Variants in RRM2B observed in about 807,000 individuals in gnomAD.
RRM2B encodes ribonucleoside-diphosphate reductase subunit M2 B.
RRM2B carries 20 observed loss-of-function variants against 45.9 expected under a neutral mutation model. The observed-to-expected ratio is 0.44, with a 90% confidence interval of 0.31 to 0.63. RRM2B has a LOEUF of 0.63. Among genes scored for constraint, RRM2B ranks in the 30% least tolerant of loss-of-function variants. The pLI, the probability that RRM2B is intolerant of heterozygous loss-of-function variation, is 0.09. For missense variants in RRM2B, 320 were observed against 414.7 expected (o/e 0.77, Z 1.98); for synonymous variants, 124 against 132.3 (o/e 0.94, Z 0.43).
chr8:102,224,209 T>A (rs541112342), intron 4 of RRM2B, 69 bp from the exon 5 acceptor site: 816 of 1,063,444 alleles, frequency 7.7e-4, no homozygotes, highest in South Asian at 1.8e-3. Context: ...TGAGACAGAG[T>A]CTCGCTCTGT....
At chr8:102,225,724 T>G (rs1294678676) in intron 3 of RRM2B, among the ~76,000 whole-genome samples, 194 bp downstream of exon 3, 1 of 152,224 alleles carries the variant, frequency 6.6e-6, no homozygotes, top group Non-Finnish European at 1.5e-5. Flanking sequence ...TTGATTCATA[T>G]CATTTATGCT....
chr8:102,228,920 A>C (rs1810980954), intron 2 of RRM2B, among the ~76,000 whole-genome samples: 1 of 152,242 alleles, frequency 6.6e-6, no homozygotes, highest in Non-Finnish European at 1.5e-5. Flanking sequence ...AACAGTTGAA[A>C]TATGTAATTG....
intron 6 of RRM2B, chr8:102,214,368 C>G (rs1214329964): frequency 1.7e-6 from 1 of 573,844 alleles, no homozygotes; most frequent in East Asian, 3.4e-5. Context: ...TCAATGCCAG[C>G]AAATCTTAGT....
rs1030413922 is a variant in RRM2B, at chr8:102,207,801, A to G, written c.*332T>C. The G allele has an allele frequency of 6.1e-5, 14 of 229,366 alleles. No individual in the cohort carries two copies. Among genetic ancestry groups the G allele is most frequent in the African/African-American group, 3.2e-4 (14 of 43,336 alleles). 14.2% of individuals were successfully genotyped at this position (229,366 alleles called of 1,614,324 possible). ...TATTACTCCCATTTTAAAGATAAGT[A>G]CACCGAGGTTTACCAAGATTAACTG... On this transcript the variant is annotated 3_prime_UTR_variant, in exon 9 of 9. Coordinates refer to ENST00000251810, the MANE Select transcript of RRM2B (RefSeq NM_015713.5).
intron 1 of RRM2B, among the ~76,000 whole-genome samples, chr8:102,235,954 G>C (rs1313490618): frequency 6.6e-6 from 1 of 152,218 alleles, no homozygotes; most frequent in Non-Finnish European, 1.5e-5. Context: ...TGGTTGCCAA[G>C]GGAATGGATG....
At chr8:102,209,454 C>T (rs955667171) in intron 8 of RRM2B, among the ~76,000 whole-genome samples, 4 of 152,122 alleles carry the variant, frequency 2.6e-5, no homozygotes, top group African/African-American at 9.7e-5. Flanking sequence ...CCCACCTACT[C>T]GGATGGCTAT....
At chr8:102,212,627 C>T in intron 8 of RRM2B, 149 bp downstream of exon 8, 1 of 551,396 alleles carries the variant, frequency 1.8e-6, no homozygotes, top group Non-Finnish European at 3.2e-6. Flanking sequence ...AAGGATTTTG[C>T]AAAACCTTGT....
chr8:102,229,588 C>G (rs1262466162), intron 2 of RRM2B, among the ~76,000 whole-genome samples: 1 of 106,558 alleles, frequency 9.4e-6, no homozygotes, highest in Non-Finnish European at 1.9e-5. Flanking sequence ...TATTATAACC[C>G]CTCAGGTTTT....
intron 4 of RRM2B, 91 bp from the exon 5 acceptor site, chr8:102,224,231 G>A: frequency 1.2e-6 from 1 of 840,170 alleles, no homozygotes; most frequent in South Asian, 1.3e-5. Flanking sequence ...GCCCAGGCTG[G>A]AGTGCAGTGG....
chr8:102,218,971 A>G, intron 5 of RRM2B, 24 bp from the exon 6 acceptor site: 2 of 1,608,516 alleles, frequency 1.2e-6, no homozygotes, highest in Non-Finnish European at 1.7e-6. Context: ...AATCGTTTCA[A>G]TTTTTGAAAT....
chr8:102,215,812 T>A (rs1303479741), intron 6 of RRM2B, among the ~76,000 whole-genome samples: 2 of 151,604 alleles, frequency 1.3e-5, no homozygotes, highest in Non-Finnish European at 2.9e-5. Flanking sequence ...GATGTGGTGG[T>A]ACATGCATGT....
At chr8:102,236,307 C>G (rs1811119557) in intron 1 of RRM2B, among the ~76,000 whole-genome samples, 1 of 151,860 alleles carries the variant, frequency 6.6e-6, no homozygotes, top group Non-Finnish European at 1.5e-5. Flanking sequence ...AAATCTGTAC[C>G]CCACAGATTT....
intron 8 of RRM2B, among the ~76,000 whole-genome samples, chr8:102,212,375 T>C (rs758274964): frequency 3.3e-5 from 5 of 152,230 alleles, no homozygotes; most frequent in Non-Finnish European, 7.3e-5. Context: ...TTCAAAGAGT[T>C]ATATTGTGAC....
intron 5 of RRM2B, among the ~76,000 whole-genome samples, chr8:102,223,741 C>G (rs1563664312): frequency 6.6e-6 from 1 of 150,910 alleles, no homozygotes; most frequent in Non-Finnish European, 1.5e-5. Flanking sequence ...ACTTAAAAGC[C>G]AGATACAAAC....
At chr8:102,210,847 G>A (rs1389523154) in intron 8 of RRM2B, among the ~76,000 whole-genome samples, 1 of 151,788 alleles carries the variant, frequency 6.6e-6, no homozygotes, top group African/African-American at 2.4e-5. Context: ...CAATCCTCCT[G>A]CCTTGGCCTC....
At chr8:102,226,912 C>T (rs1321516339) in intron 2 of RRM2B, among the ~76,000 whole-genome samples, 2 of 152,140 alleles carry the variant, frequency 1.3e-5, no homozygotes, top group African/African-American at 2.4e-5. Context: ...GACGGAGTTT[C>T]ACCATGTTGG....
rs1217609531 is a variant in RRM2B at position 102,218,957 on chromosome 8, A to G, written c.551-10T>C. ...GCCACCACTCTTTCCCCTGGGAGACATAAAATCGTTTCAATTTTTGAAATA... is the reference window on the plus strand; with the variant it reads ...GCCACCACTCTTTCCCCTGGGAGACGTAAAATCGTTTCAATTTTTGAAATA... On this transcript the variant is annotated splice_polypyrimidine_tract_variant and intron_variant, in intron 5 of 8. Coordinates refer to ENST00000251810, the MANE Select transcript of RRM2B (RefSeq NM_015713.5). The G allele has an allele frequency of 6.2e-7, 1 of 1,612,478 alleles. No individual in the cohort carries two copies. Among genetic ancestry groups the G allele is most frequent in the South Asian group, 1.1e-5 (1 of 90,780 alleles).
At chr8:102,229,481 G>A (rs1384254961) in intron 2 of RRM2B, among the ~76,000 whole-genome samples, 1 of 152,170 alleles carries the variant, frequency 6.6e-6, no homozygotes, top group Non-Finnish European at 1.5e-5. Context: ...GGAAATATTT[G>A]TCTTCATCTT....
At chr8:102,231,339 G>C (rs1811024831) in intron 2 of RRM2B, among the ~76,000 whole-genome samples, 1 of 152,164 alleles carries the variant, frequency 6.6e-6, no homozygotes, top group Non-Finnish European at 1.5e-5. Flanking sequence ...GCCAAACTGG[G>C]AGCAGCACTG....
Sources: gnomAD v4.1 joint callset for allele counts (sites outside exome capture counted in the v4.1 genomes callset) on GRCh38, gnomAD v4.1.1 for gene constraint, MANE v1.5 for transcripts, NCBI Gene and HGNC (gene_info 2026-07-23, HGNC 2026-07-21) for gene names.